IAH1: variants seen among roughly 807,000 people sequenced by gnomAD.
IAH1 encodes isoamyl acetate hydrolyzing esterase 1 (putative), also known as isoamyl acetate-hydrolyzing esterase 1 homolog.
In IAH1, 24 loss-of-function variants were observed where a neutral mutation model predicts 26.7. That is an observed-to-expected ratio of 0.90 (90% confidence interval 0.65 to 1.26). IAH1 has a LOEUF of 1.26. Among genes scored for constraint, IAH1 ranks in the 50% most tolerant of loss-of-function variants. The probability of loss-of-function intolerance (pLI) is 0.00; values close to 1 mark genes in which losing one functional copy is unlikely to be tolerated. For synonymous variants in IAH1, 140 were observed against 118.5 expected, an observed-to-expected ratio of 1.18 and a Z score of -1.18; for missense variants, 300 against 299.9, an observed-to-expected ratio of 1.00 and a Z score of 0.00.
At chr2:9,508,309 T>C in the IAH1 span, among the ~76,000 whole-genome samples, 8 of 152,306 alleles carry the variant, frequency 5.3e-5, no homozygotes, top group African/African-American at 1.9e-4. Flanking sequence ...AATGCCCCCG[T>C]GCCCCTCACC....
At chr2:9,497,021 T>C, downstream of IAH1, 1 of 1,544,324 alleles carries the variant, frequency 6.5e-7, no homozygotes, top group Non-Finnish European at 8.7e-7. Context: ...TCACCACTGC[T>C]GTCATTCGCA....
the IAH1 span, among the ~76,000 whole-genome samples, chr2:9,510,542 T>TA: frequency 9.9e-5 from 15 of 152,038 alleles, no homozygotes; most frequent in Non-Finnish European, 1.6e-4. Flanking sequence ...CACGCGCCTG[T>TA]AATCTCAACT....
chr2:9,474,322 C>A (rs1335667771), upstream of IAH1, among the ~76,000 whole-genome samples: 4 of 152,228 alleles, frequency 2.6e-5, no homozygotes, highest in Non-Finnish European at 5.9e-5. This position sits in a 1 kb window ranked among gnomAD's most constrained non-coding sequence, Gnocchi z 4.3. Flanking sequence ...GGCCCCCAAC[C>A]GCTTTTCTTC....
At chr2:9,499,408 T>C (rs1288809257), downstream of IAH1, among the ~76,000 whole-genome samples, 1 of 152,112 alleles carries the variant, frequency 6.6e-6, no homozygotes, top group Non-Finnish European at 1.5e-5. Context: ...TTTGTTTTTT[T>C]GGTTTTTTTT....
At chr2:9,501,222 G>GT (rs2124988612), downstream of IAH1, among the ~76,000 whole-genome samples, 1 of 152,242 alleles carries the variant, frequency 6.6e-6, no homozygotes, top group East Asian at 1.9e-4. Flanking sequence ...CAAGAAAAAT[G>GT]TAAGTAAGTG....
At chr2:9,511,844 G>A in the IAH1 span, among the ~76,000 whole-genome samples, 2 of 151,840 alleles carry the variant, frequency 1.3e-5, no homozygotes, top group African/African-American at 4.8e-5. Flanking sequence ...TGTGGTGGGC[G>A]CCTGTAATCG....
chr2:9,509,871 CATCCCTAGGG>C, the IAH1 span: 1 of 1,403,262 alleles, frequency 7.1e-7, no homozygotes, highest in Non-Finnish European at 9.7e-7. Context: ...TTTGCACATC[CATCCCTAGGG>C]AAACGCCTAG....
downstream of IAH1, among the ~76,000 whole-genome samples, chr2:9,496,838 C>T (rs1189131587): frequency 6.6e-6 from 1 of 152,142 alleles, no homozygotes; most frequent in Admixed American, 6.5e-5. Context: ...ACCCACTCAC[C>T]CCCAACAAAA....
Position 9,474,890 on chromosome 2 carries a change from GACCCGGCCGCGCT to G in IAH1, c.81+244_81+256del. On this transcript the variant is annotated intron_variant, in intron 1 of 5. Transcript: ENST00000497473. The surrounding 1 kb of genome is among the most constrained non-coding windows in gnomAD (Gnocchi z 4.3). ...CGGGCTCCAGGCACAGACGCGAGGGGACCCGGCCGCGCTGCCCGCCCCGCGCCGCCTCCCACCC... is the reference window on the plus strand; with the variant it reads ...CGGGCTCCAGGCACAGACGCGAGGGGGCCCGCCCCGCGCCGCCTCCCACCC... 1 of 565,728 alleles carries G rather than the reference GACCCGGCCGCGCT, an allele frequency of 1.8e-6. No homozygotes were observed. The highest frequency in any genetic ancestry group is 5.4e-5 in the East Asian group (1 of 18,654). The allele number at this position is 565,728 out of a possible 1,614,324, so 35.0% of individuals were successfully genotyped here.
chr2:9,510,265 T>G, the IAH1 span: 1 of 994,722 alleles, frequency 1.0e-6, no homozygotes, highest in Non-Finnish European at 1.5e-6. Flanking sequence ...ATGCTTATAA[T>G]ACCAGCACTT....
At chr2:9,491,315 T>C (rs547867893), downstream of IAH1, among the ~76,000 whole-genome samples, 52 of 152,332 alleles carry the variant, frequency 3.4e-4, no homozygotes, top group Non-Finnish European at 6.2e-4. Context: ...ACCCAAGCTT[T>C]AGTTATGCCA....
Position 9,474,664 on chromosome 2 carries a change from G to C in IAH1, c.81+17G>C. On this transcript the variant is annotated intron_variant, in intron 1 of 5. Transcript: ENST00000497473. The surrounding 1 kb of genome is among the most constrained non-coding windows in gnomAD (Gnocchi z 4.3). ...ATCACCCAGGTACGGCCGCCCCGAC[G>C]CTCGGCCTCCCGCCCCGGCCTCCCT... 10 of 1,527,922 alleles carry C rather than the reference G, an allele frequency of 6.5e-6. No homozygotes were observed. The highest frequency in any genetic ancestry group is 8.8e-6 in the Non-Finnish European group (10 of 1,139,024). The allele number at this position is 1,527,922 out of a possible 1,614,324, so 94.6% of individuals were successfully genotyped here. A position where few individuals can be genotyped will look rare whatever the true frequency, so the allele number is the denominator to read the frequency against.
In IAH1 at chr2:9,478,321, C is replaced by T. The variant is rs1660949169; in HGVS notation, c.234C>T (p.Ile78=). Residue 78 remains isoleucine, a synonymous_variant, in exon 3 of 6, where the codon ATC becomes ATT. Coordinates refer to ENST00000497473, the MANE Select transcript of IAH1 (RefSeq NM_001039613.3). ...RLIRKGNSLD[I]PVAVTIFFGA... Reference sequence around the variant, plus strand: ...TCAGGAAAGGAAACAGTTTGGACATCCCAGTAGCAGTTACAATTTTCTTTG... The same window carrying T: ...TCAGGAAAGGAAACAGTTTGGACATTCCAGTAGCAGTTACAATTTTCTTTG... 2 of 1,612,746 alleles carry T rather than the reference C, an allele frequency of 1.2e-6. No homozygotes were observed. Among genetic ancestry groups the T allele is most frequent in the Non-Finnish European group, 1.7e-6 (2 of 1,179,340 alleles).
At chr2:9,505,071 C>T in the IAH1 span, 8 of 1,328,442 alleles carry the variant, frequency 6.0e-6, no homozygotes, top group Non-Finnish European at 7.4e-6. Context: ...ACACCCCTTT[C>T]AGTTGATTCT....
chr2:9,503,448 C>T, the IAH1 span, among the ~76,000 whole-genome samples: 1 of 152,344 alleles, frequency 6.6e-6, no homozygotes, highest in Non-Finnish European at 1.5e-5. Flanking sequence ...CCAAGACTGT[C>T]ATTTTGATTG....
chr2:9,497,074 T>C (rs540916859), downstream of IAH1: 25 of 1,603,166 alleles, frequency 1.6e-5, no homozygotes, highest in African/African-American at 6.7e-5. Context: ...ACAAAGGCCA[T>C]GTTTTCTCCT....
chr2:9,508,783 A>G, the IAH1 span, among the ~76,000 whole-genome samples: 1 of 152,222 alleles, frequency 6.6e-6, no homozygotes, highest in Non-Finnish European at 1.5e-5. Context: ...TATAGTGAAC[A>G]TGATTAGAAA....
intron 2 of IAH1, among the ~76,000 whole-genome samples, chr2:9,476,799 G>A (rs1020144780): frequency 6.6e-6 from 1 of 152,230 alleles, no homozygotes; most frequent in African/African-American, 2.4e-5. Context: ...CATCAGTTAA[G>A]GCAGGAACTG....
downstream of IAH1, chr2:9,490,146 C>G (rs371014633): frequency 2.0e-6 from 3 of 1,537,466 alleles, no homozygotes; most frequent in Non-Finnish European, 2.6e-6. Flanking sequence ...AAATATTTTG[C>G]ACACTTAAGT....
Sources: allele counts gnomAD v4.1 joint callset (sites outside exome capture counted in the v4.1 genomes callset), GRCh38; gene constraint gnomAD v4.1.1; non-coding constraint Gnocchi (gnomAD v3.1); transcripts MANE v1.5; gene names NCBI Gene and HGNC (gene_info 2026-07-23, HGNC 2026-07-21).